Variants in ST7 observed in about 807,000 individuals in gnomAD.
The protein encoded by ST7 is suppressor of tumorigenicity 7 protein.
A neutral mutation model predicts 78.7 loss-of-function variants in ST7; 28 were observed. That is an observed-to-expected ratio of 0.36 (90% CI 0.26 to 0.49). ST7 has a LOEUF of 0.49. Ranked by LOEUF, ST7 falls within the 20% of genes least tolerant of loss-of-function variation. The probability of loss-of-function intolerance (pLI) is 0.99; values close to 1 mark genes in which losing one functional copy is unlikely to be tolerated. For missense variants in ST7, 418 were observed against 696.0 expected, an observed-to-expected ratio of 0.60 and a Z score of 4.49; for synonymous variants, 247 against 249.6, an observed-to-expected ratio of 0.99 and a Z score of 0.10.
intron 9 of ST7, among the ~76,000 whole-genome samples, chr7:117,167,067 CTTTG>C (rs1807616564): frequency 7.1e-6 from 1 of 139,910 alleles, no homozygotes; most frequent in South Asian, 2.2e-4. Flanking sequence ...TTTTTTTTTA[CTTTG>C]TTTTTTTTAA....
chr7:116,990,162 T>G (rs1794362612), intron 1 of ST7, among the ~76,000 whole-genome samples: 1 of 152,178 alleles, frequency 6.6e-6, no homozygotes, highest in Non-Finnish European at 1.5e-5. Context: ...TATCTCAATC[T>G]CTGGACCTTG....
chr7:117,137,774 A>G (rs1804914483), intron 8 of ST7, among the ~76,000 whole-genome samples: 1 of 152,182 alleles, frequency 6.6e-6, no homozygotes, highest in Non-Finnish European at 1.5e-5. Flanking sequence ...ATCCAACAAG[A>G]CATATAATTA....
chr7:117,196,411 T>C (rs1270770377), intron 12 of ST7, among the ~76,000 whole-genome samples: 1 of 152,176 alleles, frequency 6.6e-6, no homozygotes, highest in East Asian at 1.9e-4. Flanking sequence ...GGTTCCAGTT[T>C]TTCCACAAAC....
At chr7:117,024,247 A>G (rs561608382) in intron 1 of ST7, among the ~76,000 whole-genome samples, 1 of 152,314 alleles carries the variant, frequency 6.6e-6, no homozygotes, top group African/African-American at 2.4e-5. Context: ...CTTTTTGTGG[A>G]GTAAATGGTT....
intron 1 of ST7, among the ~76,000 whole-genome samples, chr7:117,027,197 A>G (rs1288875933): frequency 6.6e-6 from 1 of 152,266 alleles, no homozygotes; most frequent in Admixed American, 6.5e-5. Context: ...TAATCCCAGC[A>G]CTTTGGGAGG....
chr7:117,124,218 C>T (rs1048300843), intron 3 of ST7, among the ~76,000 whole-genome samples: 5 of 152,040 alleles, frequency 3.3e-5, no homozygotes, highest in African/African-American at 9.7e-5. Flanking sequence ...ATAATTTTAT[C>T]GATAAGAAGC....
chr7:117,081,304 A>G (rs954706117), intron 1 of ST7, among the ~76,000 whole-genome samples: 1 of 152,100 alleles, frequency 6.6e-6, no homozygotes, highest in Admixed American at 6.6e-5. Context: ...ATTAATCTTT[A>G]TTAAGGCCAG....
chr7:117,191,251 G>T (rs1454282400), intron 12 of ST7, among the ~76,000 whole-genome samples: 1 of 152,046 alleles, frequency 6.6e-6, no homozygotes, highest in Non-Finnish European at 1.5e-5. Flanking sequence ...TTTCACACCA[G>T]TTATGGTCTC....
At chr7:117,187,624 T>C (rs1809383328) in intron 10 of ST7, 1 of 152,186 alleles carries the variant, frequency 6.6e-6, no homozygotes, top group African/African-American at 2.4e-5. Flanking sequence ...AAAGTGTCCA[T>C]TTGATTGATT....
Position 117,046,025 on chromosome 7 carries a change from C to T in ST7, c.152-53737C>T, listed in dbSNP as rs551361567. ...TAATGTATTCATTCACACCTTACAACAATCCCATGAGGAATATGTTATCTA... is the reference window on the plus strand; with the variant it reads ...TAATGTATTCATTCACACCTTACAATAATCCCATGAGGAATATGTTATCTA... On this transcript the variant is annotated intron_variant, in intron 1 of 15. Coordinates refer to ENST00000323984, the MANE Select transcript of ST7 (RefSeq NM_001369598.1). 2.0e-5 allele frequency among the ~76,000 whole-genome samples: 3 copies of T among 152,318 alleles called. No homozygotes were observed. In the East Asian group the frequency reaches 5.8e-4, roughly 29 times the overall value.
At chr7:117,005,470 T>G (rs538184835) in intron 1 of ST7, among the ~76,000 whole-genome samples, 3 of 152,226 alleles carry the variant, frequency 2.0e-5, no homozygotes, top group African/African-American at 7.2e-5. Flanking sequence ...TTCATATTGA[T>G]TATTACTAAT....
intron 1 of ST7, among the ~76,000 whole-genome samples, chr7:117,085,844 C>T (rs930372742): frequency 1.3e-5 from 2 of 151,932 alleles, no homozygotes; most frequent in African/African-American, 2.4e-5. Flanking sequence ...AAGAGATTAA[C>T]GTACTTACTA....
intron 1 of ST7, among the ~76,000 whole-genome samples, chr7:117,059,060 CG>C (rs1798209995): frequency 6.6e-6 from 1 of 151,906 alleles, no homozygotes; most frequent in Non-Finnish European, 1.5e-5. Flanking sequence ...GGTGGGGACA[CG>C]GGGATGTGGA....
intron 1 of ST7, among the ~76,000 whole-genome samples, chr7:117,031,845 T>TATATG (rs1457138758): frequency 0.015 from 1,536 of 101,818 alleles, 61 homozygotes; most frequent in East Asian, 0.14. Context: ...TATATCTATA[T>TATATG]CTATATCTAT....
chr7:117,075,656 A>G (rs994662613), intron 1 of ST7, among the ~76,000 whole-genome samples: 2 of 152,190 alleles, frequency 1.3e-5, no homozygotes, highest in African/African-American at 4.8e-5. Flanking sequence ...AGAGCTGGAG[A>G]AGAACATACA....
chr7:117,194,113 G>C (rs753658133), intron 12 of ST7, among the ~76,000 whole-genome samples: 11 of 152,106 alleles, frequency 7.2e-5, no homozygotes, highest in Admixed American at 6.5e-4. Flanking sequence ...GTGGTCAGAT[G>C]GATGCGAAAC....
chr7:117,051,713 G>C (rs537668728), intron 1 of ST7, among the ~76,000 whole-genome samples: 1 of 152,206 alleles, frequency 6.6e-6, no homozygotes, highest in Non-Finnish European at 1.5e-5. Context: ...TCAAGGTGGA[G>C]AGAGAGGGAG....
chr7:117,068,061 G>T (rs532572565), intron 1 of ST7, among the ~76,000 whole-genome samples: 1 of 152,162 alleles, frequency 6.6e-6, no homozygotes, highest in Non-Finnish European at 1.5e-5. Flanking sequence ...GAAAGATTTG[G>T]CAGGTCTGAT....
At chr7:116,993,472 A>G (rs1794516618) in intron 1 of ST7, among the ~76,000 whole-genome samples, 1 of 152,172 alleles carries the variant, frequency 6.6e-6, no homozygotes, top group Non-Finnish European at 1.5e-5. Flanking sequence ...CCATGATTCA[A>G]ATTACCTCCC....
Sources: allele counts gnomAD v4.1 joint callset (sites outside exome capture counted in the v4.1 genomes callset), GRCh38; gene constraint gnomAD v4.1.1; transcripts MANE v1.5; gene names NCBI Gene and HGNC (gene_info 2026-07-23, HGNC 2026-07-21).